Variants in CDK13 observed in about 807,000 individuals in gnomAD.
The protein encoded by CDK13 is cyclin-dependent kinase 13.
CDK13 carries 40 observed loss-of-function variants against 137.6 expected under a neutral mutation model. That is an observed-to-expected ratio of 0.29 (90% CI 0.23 to 0.38). CDK13 has a LOEUF of 0.38. Ranked by LOEUF, CDK13 falls within the 10% of genes least tolerant of loss-of-function variation. The probability of loss-of-function intolerance (pLI) is 1.00; values close to 1 mark genes in which losing one functional copy is unlikely to be tolerated. For synonymous variants in CDK13, 869 were observed against 760.1 expected (o/e 1.14, Z -2.36); for missense variants, 1,704 against 1,951.8 (o/e 0.87, Z 2.39).
At chr7:39,968,762 T>C (rs1783929268) in intron 1 of CDK13, among the ~76,000 whole-genome samples, 1 of 152,210 alleles carries the variant, frequency 6.6e-6, no homozygotes, top group Non-Finnish European at 1.5e-5. Context: ...TTCTTTTTGC[T>C]CAGGATTGCT....
intron 5 of CDK13, among the ~76,000 whole-genome samples, chr7:40,028,097 C>T (rs1453093295): frequency 6.6e-6 from 1 of 150,492 alleles, no homozygotes; most frequent in African/African-American, 2.5e-5. Flanking sequence ...TAGGGAGGTT[C>T]AGTATGGTGT....
At chr7:39,984,340 G>A (rs909899207) in intron 1 of CDK13, 4 of 151,594 alleles carry the variant, frequency 2.6e-5, no homozygotes, top group African/African-American at 9.7e-5. Flanking sequence ...AGCCCAAGAA[G>A]TCGAGGCTGC....
intron 1 of CDK13, among the ~76,000 whole-genome samples, chr7:39,959,151 T>C (rs1182360892): frequency 6.6e-6 from 1 of 152,098 alleles, no homozygotes; most frequent in East Asian, 1.9e-4. Context: ...TTAATATATT[T>C]TCATCTGTTT....
At chr7:39,989,887 G>C (rs1021490967) in intron 2 of CDK13, among the ~76,000 whole-genome samples, 1 of 151,090 alleles carries the variant, frequency 6.6e-6, no homozygotes, top group Non-Finnish European at 1.5e-5. Flanking sequence ...GGTTCATGCC[G>C]TTCTTCTGCC....
chr7:40,072,705 G>A (rs761000451), intron 9 of CDK13: 2 of 152,208 alleles, frequency 1.3e-5, no homozygotes, highest in African/African-American at 2.4e-5. Flanking sequence ...CTGTATATCA[G>A]TCTTACATAC....
chr7:40,002,276 T>C (rs1057417868), intron 5 of CDK13: 1 of 269,988 alleles, frequency 3.7e-6, no homozygotes, highest in Non-Finnish European at 6.9e-6. Flanking sequence ...ATATGTTTTA[T>C]TGGGCATCAG....
At chr7:40,053,047 C>T (rs1054940983) in intron 7 of CDK13, among the ~76,000 whole-genome samples, 5 of 152,140 alleles carry the variant, frequency 3.3e-5, no homozygotes, top group Non-Finnish European at 7.4e-5. Context: ...AGATCATTGA[C>T]TTTTAACTGT....
In CDK13 at chr7:39,950,364, C is replaced by G. The variant is rs1234079384; in HGVS notation, c.-278C>G. On this transcript the variant is annotated 5_prime_UTR_variant, in exon 1 of 14. In the 5' UTR this introduces an upstream ATG that the reference lacks. Transcript: ENST00000181839. ...CCCCGCAGGTCAGCGCCCGGCGCAT[C>G]TGGTGTTTTCGCTGCCGAGGATAGG... is the stretch of plus-strand genomic sequence containing the variant. The G allele has an allele frequency of 1.7e-6, 2 of 1,202,894 alleles. No individual in the cohort carries two copies. Among genetic ancestry groups the G allele is most frequent in the Non-Finnish European group, 2.1e-6 (2 of 969,884 alleles). The allele number at this position is 1,202,894 out of a possible 1,614,324, so 74.5% of individuals were successfully genotyped here. A position where few individuals can be genotyped will look rare whatever the true frequency, so the allele number is the denominator to read the frequency against.
At chr7:39,992,781 C>G (rs985343240) in intron 2 of CDK13, among the ~76,000 whole-genome samples, 1 of 151,746 alleles carries the variant, frequency 6.6e-6, no homozygotes, top group Admixed American at 6.6e-5. Flanking sequence ...TATCGTTTAA[C>G]TTGTTCTTCT....
rs534296829 is a variant in CDK13 at position 39,981,754 on chromosome 7, T to C, written c.1212-5845T>C. On this transcript the variant is annotated intron_variant, in intron 1 of 13. Transcript: ENST00000181839. ...TGTATGTAGAAGAATTCAGTTGATATAGTGATCAAATACTATAAAAAGTAG... is the reference window on the plus strand; with the variant it reads ...TGTATGTAGAAGAATTCAGTTGATACAGTGATCAAATACTATAAAAAGTAG... Among the ~76,000 whole-genome samples the C allele has an allele frequency of 5.3e-5, 8 of 151,886 alleles. No homozygotes were observed. In the South Asian group the frequency reaches 1.0e-3, roughly 20 times the overall value.
At position 39,971,536 on chromosome 7, in the gene CDK13, C is replaced by CA. The variant is rs934446648; in HGVS notation, c.1212-16055dup. 9.4e-5 allele frequency among the ~76,000 whole-genome samples: 14 copies of CA among 149,654 alleles called. No individual in the cohort carries two copies. In the East Asian group the frequency reaches 9.9e-4, roughly 11 times the overall value. On this transcript the variant is annotated intron_variant, in intron 1 of 13. Coordinates refer to ENST00000181839, the MANE Select transcript of CDK13 (RefSeq NM_003718.5). ...GGTCTCAAAAAAACAAAACAAAAAA[C>CA]AAAAAAAACACTTTGTATTTTCTAG...
intron 4 of CDK13, 25 bp from the exon 5 acceptor site, chr7:40,001,836 C>G (rs1261325744): frequency 6.8e-7 from 1 of 1,464,190 alleles, no homozygotes; most frequent in Non-Finnish European, 9.5e-7. Context: ...AACTGGTAAC[C>G]TGATTTTATT....
chr7:40,090,112 CAG>C (rs1263118368), intron 12 of CDK13, among the ~76,000 whole-genome samples: 1 of 152,146 alleles, frequency 6.6e-6, no homozygotes, highest in Non-Finnish European at 1.5e-5. Flanking sequence ...ATGGCAATAA[CAG>C]AAATTTTGGA....
At chr7:40,079,690 G>C (rs1261974440) in intron 11 of CDK13, among the ~76,000 whole-genome samples, 4 of 152,108 alleles carry the variant, frequency 2.6e-5, no homozygotes, top group Non-Finnish European at 5.9e-5. Flanking sequence ...ATTCACATTA[G>C]TCCAATAAGT....
chr7:40,083,975 G>A (rs1013951908), intron 11 of CDK13, among the ~76,000 whole-genome samples: 2 of 152,190 alleles, frequency 1.3e-5, no homozygotes, highest in Non-Finnish European at 2.9e-5. Flanking sequence ...CCTTTAGAAA[G>A]TTGGAAGGTG....
In CDK13 at chr7:40,022,200, T is replaced by C. The variant is rs192766049; in HGVS notation, c.2353+20169T>C. ...TGTAAACACCTCTGGGTTTGAGATA[T>C]ATATTTGGTTTCATGTCAGCACAGT... On this transcript the variant is annotated intron_variant, in intron 5 of 13. Transcript: ENST00000181839. 1.2e-4 allele frequency among the ~76,000 whole-genome samples: 18 copies of C among 152,326 alleles called. No individual in the cohort carries two copies. The East Asian group carries it at 2.5e-3, about 21-fold the overall frequency.
At chr7:39,981,193 C>T (rs933259669) in intron 1 of CDK13, among the ~76,000 whole-genome samples, 12 of 151,932 alleles carry the variant, frequency 7.9e-5, no homozygotes, top group Non-Finnish European at 1.6e-4. Flanking sequence ...ATGGCGAAAC[C>T]CCTATCCCTG....
At chr7:40,045,747 C>A in intron 5 of CDK13, 89 bp from the exon 6 acceptor site, 2 of 816,804 alleles carry the variant, frequency 2.4e-6, no homozygotes, top group Non-Finnish European at 2.0e-6. Flanking sequence ...TTAATTCTTC[C>A]TCTACCAGCC....
intron 9 of CDK13, among the ~76,000 whole-genome samples, chr7:40,065,405 A>G (rs1295645928): frequency 6.6e-6 from 1 of 152,166 alleles, no homozygotes; most frequent in Admixed American, 6.5e-5. Flanking sequence ...ACACTGGAAG[A>G]AGAATAGTTG....
Sources: allele counts gnomAD v4.1 joint callset (sites outside exome capture counted in the v4.1 genomes callset), GRCh38; gene constraint gnomAD v4.1.1; transcripts MANE v1.5; gene names NCBI Gene and HGNC (gene_info 2026-07-23, HGNC 2026-07-21).